The following ABCC2 variants were observed in gnomAD, a reference collection of about 807,000 sequenced individuals.
ABCC2 encodes the protein ATP binding cassette subfamily C member 2.
Under a neutral mutation model 173.4 loss-of-function variants are expected in ABCC2, and 157 were observed. That is an observed-to-expected ratio of 0.91 (90% CI 0.80 to 1.03). The LOEUF is 1.03. Among genes scored for constraint, ABCC2 ranks in the 50% least tolerant of loss-of-function variants. The pLI, the probability that ABCC2 is intolerant of heterozygous loss-of-function variation, is 0.00. For synonymous variants in ABCC2, 657 were observed against 693.5 expected (o/e 0.95, Z 0.83); for missense variants, 1,822 against 1,852.3 (o/e 0.98, Z 0.30).
At position 99,852,333 on chromosome 10, in the gene ABCC2, C is replaced by T. The variant is rs2039096995; in HGVS notation, c.*702C>T. The T allele has an allele frequency of 6.6e-6, 1 of 152,242 alleles. No individual in the cohort carries two copies. The highest frequency in any genetic ancestry group is 2.4e-5 in the African/African-American group (1 of 41,444). 9.4% of individuals were successfully genotyped at this position (152,242 alleles called of 1,614,324 possible). A position where few individuals can be genotyped will look rare whatever the true frequency, so the allele number is the denominator to read the frequency against. The stretch of plus-strand genomic sequence containing the variant: ...GCCAACTGAAAACATTGCTGTCAAT[C>T]TGATGAATATGAATTGATGTATCAA... On this transcript the variant is annotated 3_prime_UTR_variant, in exon 32 of 32. Coordinates refer to ENST00000647814, the MANE Select transcript of ABCC2 (RefSeq NM_000392.5).
intron 23 of ABCC2, 67 bp from the exon 24 acceptor site, chr10:99,834,313 C>G: frequency 6.6e-7 from 1 of 1,515,128 alleles, no homozygotes; most frequent in Non-Finnish European, 9.1e-7. Flanking sequence ...CTTGCTAGAA[C>G]TAGGAAGATG....
At position 99,797,237 on chromosome 10, in the gene ABCC2, A is replaced by G; in HGVS notation, c.773A>G (p.Gln258Arg). 6.2e-7 allele frequency: 1 copy of G among 1,614,180 alleles called. No individual in the cohort carries two copies. Among genetic ancestry groups the G allele is most frequent in the African/African-American group, 1.3e-5 (1 of 75,066 alleles). ...RELQKARRALQRRQEKSSQQN... is the reference protein window; with the variant it reads ...RELQKARRALRRRQEKSSQQN... ...CTGCAGAAAGCCAGGCGGGCACTCC[A>G]GAGACGGCAGGAGAAGAGCTCCCAG... The change falls in exon 7 of 32, where the codon CAG (glutamine) becomes CGG (arginine). Residue 258 changes from glutamine (Q) to arginine (R), a missense_variant. Gln to Arg is a conservative substitution (Grantham distance 43, BLOSUM62 1). Coordinates refer to ENST00000647814, the MANE Select transcript of ABCC2 (RefSeq NM_000392.5).
rs769004636 is a variant in ABCC2 at position 99,782,861 on chromosome 10, G to A, written c.17G>A (p.Cys6Tyr). The change falls in exon 1 of 32, where the codon TGC becomes TAC. Residue 6 changes from cysteine to tyrosine, a missense_variant. Physicochemically the swap from Cys to Tyr is radical, Grantham distance 194. Coordinates refer to ENST00000647814, the MANE Select transcript of ABCC2 (RefSeq NM_000392.5). MLEKF[C>Y]NSTFWNSSFL... ...CCAGGAATCATGCTGGAGAAGTTCT[G>A]CAACTCTACTTTTTGGGTGAGAAAT... The A allele has an allele frequency of 3.7e-6, 6 of 1,614,094 alleles. No homozygotes were observed. The highest frequency in any genetic ancestry group is 2.5e-6 in the Non-Finnish European group (3 of 1,180,004).
chr10:99,810,266 G>A, intron 14 of ABCC2, 48 bp downstream of exon 14: 1 of 1,505,226 alleles, frequency 6.6e-7, no homozygotes, highest in Non-Finnish European at 9.2e-7. Context: ...CAGTACTGGT[G>A]CCAGAATTTT....
chr10:99,796,984 C>A, intron 6 of ABCC2, 113 bp from the exon 7 acceptor site: 1 of 904,076 alleles, frequency 1.1e-6, no homozygotes, highest in Non-Finnish European at 1.8e-6. Flanking sequence ...TGGGGATAGT[C>A]CCATTCTTCT....
At chr10:99,810,600 A>G (rs1211933109) in intron 14 of ABCC2, among the ~76,000 whole-genome samples, 1 of 152,214 alleles carries the variant, frequency 6.6e-6, no homozygotes, top group Non-Finnish European at 1.5e-5. Context: ...ACTGGAATCC[A>G]TAGTGGGGAG....
chr10:99,817,227 T>C, intron 16 of ABCC2, 81 bp from the exon 17 acceptor site: 1 of 1,331,880 alleles, frequency 7.5e-7, no homozygotes, highest in South Asian at 1.2e-5. Flanking sequence ...ATTTGTTTCT[T>C]CCCCTCTCCA....
chr10:99,801,974 A>C (rs955343819), intron 9 of ABCC2, among the ~76,000 whole-genome samples: 2 of 152,172 alleles, frequency 1.3e-5, no homozygotes, highest in African/African-American at 4.8e-5. Context: ...CCTCCAGTTG[A>C]TTTTTAAAAT....
intron 19 of ABCC2, among the ~76,000 whole-genome samples, chr10:99,827,535 G>A (rs1005685446): frequency 6.6e-6 from 1 of 151,496 alleles, no homozygotes; most frequent in African/African-American, 2.4e-5. Context: ...TGTTTGAAAT[G>A]GTTCTAAAGC....
rs777902199 is a variant in ABCC2 at position 99,800,531 on chromosome 10, C to G, written c.1177C>G (p.Arg393Gly). The G allele has an allele frequency of 1.2e-6, 2 of 1,614,118 alleles. No individual in the cohort carries two copies. The highest frequency in any genetic ancestry group is 2.2e-5 in the South Asian group (2 of 91,086). ...QLCFKLGVKVRTAIMASVYKK... is the reference protein window; with the variant it reads ...QLCFKLGVKVGTAIMASVYKK... ...GTGCTTCAAGCTGGGTGTAAAAGTACGGACAGCTATCATGGCTTCTGTATA... is the reference window on the plus strand; with the variant it reads ...GTGCTTCAAGCTGGGTGTAAAAGTAGGGACAGCTATCATGGCTTCTGTATA... The change falls in exon 9 of 32, where the codon CGG (arginine) becomes GGG (glycine). Residue 393 changes from arginine to glycine, a missense_variant. Coordinates refer to ENST00000647814, the MANE Select transcript of ABCC2 (RefSeq NM_000392.5).
At chr10:99,826,401 C>A (rs201290413) in intron 19 of ABCC2, among the ~76,000 whole-genome samples, 511 of 135,034 alleles carry the variant, frequency 3.8e-3, no homozygotes, top group African/African-American at 9.0e-3. Flanking sequence ...TATGACCTTA[C>A]GGGCTTTTTC....
chr10:99,824,255 A>G (rs1564691394), intron 19 of ABCC2, among the ~76,000 whole-genome samples: 1 of 151,398 alleles, frequency 6.6e-6, no homozygotes, highest in Non-Finnish European at 1.5e-5. Context: ...TTTGAAAATA[A>G]TTTAGTGTTT....
intron 13 of ABCC2, among the ~76,000 whole-genome samples, 162 bp downstream of exon 13, chr10:99,808,391 T>C (rs1358860417): frequency 6.6e-6 from 1 of 152,174 alleles, no homozygotes; most frequent in African/African-American, 2.4e-5. Context: ...AATAAAATCA[T>C]GAGTTTTCTG....
Position 99,792,367 on chromosome 10 carries a change from C to G in ABCC2, c.333+8C>G. 2 of 1,613,808 alleles carry G rather than the reference C, an allele frequency of 1.2e-6. No individual in the cohort carries two copies. Among genetic ancestry groups the G allele is most frequent in the African/African-American group, 1.3e-5 (1 of 75,038 alleles). ...CTCTACCTAGGCACATGGGTAAGAC[C>G]TATACCACTTCTGCCCTGTTTACCT... On this transcript the variant is annotated splice_region_variant and intron_variant, in intron 3 of 31. Transcript: ENST00000647814.
intron 2 of ABCC2, among the ~76,000 whole-genome samples, chr10:99,786,383 C>T (rs919868028): frequency 1.3e-5 from 2 of 152,180 alleles, no homozygotes; most frequent in African/African-American, 4.8e-5. Context: ...ATTCTCAGTA[C>T]CCTTGGAATT....
At chr10:99,827,221 C>T (rs1283597434) in intron 19 of ABCC2, among the ~76,000 whole-genome samples, 2 of 152,188 alleles carry the variant, frequency 1.3e-5, no homozygotes, top group East Asian at 1.9e-4. Flanking sequence ...TTTTCTTTAA[C>T]CTGCGTTTGA....
chr10:99,799,319 T>C lies in ABCC2; in HGVS notation c.980T>C (p.Leu327Pro). The change falls in exon 8 of 32, where the codon CTA becomes CCA. Residue 327 changes from leucine (L) to proline (P), a missense_variant. By Grantham distance (98) the Leu-to-Pro change is moderately conservative. Transcript: ENST00000647814. The stretch of plus-strand genomic sequence containing the variant: ...TACATGGTGCTCCTGAAATCATTCC[T>C]ACTGAAGCTAGTGAATGACATCTTC... ...TFYMVLLKSF[L>P]LKLVNDIFTF... The C allele has an allele frequency of 6.2e-7, 1 of 1,614,188 alleles. No individual in the cohort carries two copies. Among genetic ancestry groups the C allele is most frequent in the East Asian group, 2.2e-5 (1 of 44,876 alleles).
intron 25 of ABCC2, among the ~76,000 whole-genome samples, chr10:99,836,753 G>T (rs1046527081): frequency 6.6e-6 from 1 of 152,326 alleles, no homozygotes; most frequent in African/African-American, 2.4e-5. Flanking sequence ...TTGGAGAGAG[G>T]AGAGTTGGGA....
rs763621082 is a variant in ABCC2, at chr10:99,800,467, T to C, written c.1113T>C (p.Ala371=). The C allele has an allele frequency of 6.2e-7, 1 of 1,614,220 alleles. No individual in the cohort carries two copies. The highest frequency in any genetic ancestry group is 1.1e-5 in the South Asian group (1 of 91,084). ...YLCAILLFTA[A]LIQSFCLQCY... ...GTGCAATCCTCTTATTCACTGCGGC[T>C]CTCATTCAGTCTTTCTGCCTTCAGT... The change falls in exon 9 of 32, where the codon GCT becomes GCC. Residue 371 remains alanine, a synonymous_variant. Coordinates refer to ENST00000647814, the MANE Select transcript of ABCC2 (RefSeq NM_000392.5).
Sources: allele counts gnomAD v4.1 joint callset (sites outside exome capture counted in the v4.1 genomes callset), GRCh38; gene constraint gnomAD v4.1.1; transcripts MANE v1.5; gene names NCBI Gene and HGNC (gene_info 2026-07-23, HGNC 2026-07-21).